GPR161: variants seen among roughly 807,000 people sequenced by gnomAD.
GPR161 encodes the protein G protein-coupled receptor 161, also known as G-protein coupled receptor RE2.
In GPR161, 25 loss-of-function variants were observed where a neutral mutation model predicts 39.2. The ratio of observed to expected loss-of-function variants is 0.64; its 90% CI spans 0.47 to 0.89. GPR161 has a LOEUF of 0.89. Among genes scored for constraint, GPR161 ranks in the 40% least tolerant of loss-of-function variants. The pLI is 0.00. For missense variants in GPR161, 547 were observed against 677.8 expected (o/e 0.81, Z 2.14); for synonymous variants, 286 against 276.6 (o/e 1.03, Z -0.34).
At chr1:168,132,193 A>T (rs1306455799) in intron 1 of GPR161, among the ~76,000 whole-genome samples, 5 of 152,030 alleles carry the variant, frequency 3.3e-5, no homozygotes, top group African/African-American at 9.7e-5. Context: ...TGAACCCAGG[A>T]GGTGGATGTT....
intron 4 of GPR161, chr1:168,090,310 C>A: frequency 2.9e-6 from 1 of 349,658 alleles, no homozygotes; most frequent in Non-Finnish European, 5.2e-6. Context: ...TCACTTTCAA[C>A]CCCCTAATAA....
rs1283014659 is a variant in GPR161 at position 168,098,706 on chromosome 1, G to C, written c.375-1474C>G. On this transcript the variant is annotated intron_variant, in intron 2 of 5. Coordinates refer to ENST00000682931, the MANE Select transcript of GPR161 (RefSeq NM_001375883.1). The surrounding 1 kb of genome is among the most constrained non-coding windows in gnomAD (Gnocchi z 4.1). ...TGAGCCCAGGCCAGGATCTATCCTG[G>C]AAAGAGAGCATTTCCGGCTATGCGG... is the stretch of plus-strand genomic sequence containing the variant. Among the ~76,000 whole-genome samples the C allele has an allele frequency of 1.3e-5, 2 of 152,092 alleles. No homozygotes were observed. The highest frequency in any genetic ancestry group is 2.9e-5 in the Non-Finnish European group (2 of 68,048).
intron 1 of GPR161, among the ~76,000 whole-genome samples, chr1:168,112,557 C>T (rs905905875): frequency 8.4e-6 from 1 of 118,830 alleles, no homozygotes; most frequent in African/African-American, 3.1e-5. Context: ...TAAGTAGGAA[C>T]AATAAAAAAT....
At chr1:168,105,005 C>A in intron 1 of GPR161, 111 bp from the exon 2 acceptor site, 1 of 738,274 alleles carries the variant, frequency 1.4e-6, no homozygotes, top group East Asian at 2.6e-5. Flanking sequence ...TCAGATCACC[C>A]AGCTAGTACA....
intron 2 of GPR161, among the ~76,000 whole-genome samples, chr1:168,100,692 C>A (rs1472966970): frequency 6.6e-6 from 1 of 152,210 alleles, no homozygotes; most frequent in Admixed American, 6.5e-5. Context: ...AAAGGGGCAA[C>A]ACATTAACTT....
At chr1:168,100,730 G>A (rs1353681301) in intron 2 of GPR161, among the ~76,000 whole-genome samples, 2 of 152,226 alleles carry the variant, frequency 1.3e-5, no homozygotes, top group Non-Finnish European at 2.9e-5. Context: ...AAAAGCACTA[G>A]TCATCTTTGC....
At chr1:168,093,664 G>A (rs112882565) in intron 3 of GPR161, among the ~76,000 whole-genome samples, 1 of 152,210 alleles carries the variant, frequency 6.6e-6, no homozygotes, top group African/African-American at 2.4e-5. Context: ...TAACACTAAG[G>A]TGAGCCAGTG....
chr1:168,136,502 C>G (rs1699386201), intron 1 of GPR161: 1 of 1,258,698 alleles, frequency 7.9e-7, no homozygotes, highest in African/African-American at 1.6e-5. Context: ...AGGGGAGGGG[C>G]GCGCCCCCAA....
chr1:168,111,965 A>C, intron 1 of GPR161, among the ~76,000 whole-genome samples: 1 of 64,640 alleles, frequency 1.5e-5, no homozygotes, highest in South Asian at 3.4e-4. Context: ...TCTTCAACAG[A>C]AAAAAAAAAA....
At chr1:168,099,153 G>A (rs1695845267) in intron 2 of GPR161, among the ~76,000 whole-genome samples, 1 of 152,170 alleles carries the variant, frequency 6.6e-6, no homozygotes, top group African/African-American at 2.4e-5. Flanking sequence ...TGACCCCCAG[G>A]GGACACTGGC....
chr1:168,085,483 T>A lies in GPR161; in HGVS notation c.*48A>T, dbSNP rs778264073. On this transcript the variant is annotated 3_prime_UTR_variant, in exon 6 of 6. Transcript: ENST00000682931. ...CGGCACAGGCGGTGATGGGAACTCC[T>A]CCCCGGGCCAGCCTCTCAGGCTGCA... 6.4e-7 allele frequency: 1 copy of A among 1,566,468 alleles called. No individual in the cohort carries two copies. The highest frequency in any genetic ancestry group is 8.7e-7 in the Non-Finnish European group (1 of 1,149,844).
In GPR161 at chr1:168,133,825, G is replaced by A. The variant is rs1240153414; in HGVS notation, c.-45+2914C>T. 8.3e-6 allele frequency: 4 copies of A among 481,122 alleles called. 1 individual carries two copies. The highest frequency in any genetic ancestry group is 1.1e-3 in the Middle Eastern group (1 of 930). The allele number at this position is 481,122 out of a possible 1,614,324, so 29.8% of individuals were successfully genotyped here. On this transcript the variant is annotated intron_variant, in intron 1 of 5. Coordinates refer to ENST00000682931, the MANE Select transcript of GPR161 (RefSeq NM_001375883.1). ...GTTGGTCCTAAAGTGAGAAATGTAGGTAATACTTTTTTATCATGTTTTATA... is the reference window on the plus strand; with the variant it reads ...GTTGGTCCTAAAGTGAGAAATGTAGATAATACTTTTTTATCATGTTTTATA...
At chr1:168,121,187 T>C (rs952335367) in intron 1 of GPR161, among the ~76,000 whole-genome samples, 1 of 152,132 alleles carries the variant, frequency 6.6e-6, no homozygotes, top group Admixed American at 6.5e-5. Flanking sequence ...TGGCATTAAT[T>C]ATTGCTCTCA....
Position 168,090,667 on chromosome 1 carries a change from G to A in GPR161, c.1101C>T (p.Asp367=), listed in dbSNP as rs753593987. The stretch of plus-strand genomic sequence containing the variant: ...CAGTGAGGTGTGGGGACAGGCCCAG[G>A]TCTGAAAGACAAAATTGGCATTGAC... ...RLFSISNRIT[D]LGLSPHLTAL... The change falls in exon 4 of 6, where the codon GAC becomes GAT. Residue 367 remains aspartate (D), a splice_region_variant and synonymous_variant. Coordinates refer to ENST00000682931, the MANE Select transcript of GPR161 (RefSeq NM_001375883.1). 1 of 1,591,968 alleles carries A rather than the reference G, an allele frequency of 6.3e-7. No homozygotes were observed.
chr1:168,124,443 G>GTA (rs1400957116), intron 1 of GPR161, among the ~76,000 whole-genome samples: 1 of 152,032 alleles, frequency 6.6e-6, no homozygotes, highest in African/African-American at 2.4e-5. Context: ...TTAAAATAAG[G>GTA]TATACAAAAC....
chr1:168,107,575 T>C (rs946269111), intron 1 of GPR161, among the ~76,000 whole-genome samples: 5 of 152,188 alleles, frequency 3.3e-5, no homozygotes, highest in Non-Finnish European at 5.9e-5. Flanking sequence ...CCCCTCAACC[T>C]TGGATATTTT....
intron 2 of GPR161, 22 bp downstream of exon 2, chr1:168,104,455 T>A: frequency 6.3e-7 from 1 of 1,599,518 alleles, no homozygotes; most frequent in African/African-American, 1.3e-5. Flanking sequence ...CCCTCAATTC[T>A]CTAAGTCTGA....
At chr1:168,122,176 C>T (rs1273400604) in intron 1 of GPR161, among the ~76,000 whole-genome samples, 3 of 152,192 alleles carry the variant, frequency 2.0e-5, no homozygotes, top group African/African-American at 2.4e-5. Flanking sequence ...TGTTCCTCCT[C>T]ATTCCACGCG....
In GPR161 at chr1:168,085,800, A is replaced by AG; in HGVS notation, c.1325-5dup. On this transcript the variant is annotated splice_polypyrimidine_tract_variant and splice_region_variant and intron_variant, in intron 5 of 5. Transcript: ENST00000682931. The stretch of plus-strand genomic sequence containing the variant: ...AGAATCGAGTTCTTGGCAGCTTCTG[A>AG]GGGAGAAGGCAGAAAAAAAAGTCAG... The AG allele has an allele frequency of 1.9e-6, 3 of 1,606,746 alleles. No individual in the cohort carries two copies. Among genetic ancestry groups the AG allele is most frequent in the Non-Finnish European group, 2.6e-6 (3 of 1,174,276 alleles).
Sources: gnomAD v4.1 joint callset for allele counts (sites outside exome capture counted in the v4.1 genomes callset) on GRCh38, gnomAD v4.1.1 for gene constraint, Gnocchi (gnomAD v3.1) non-coding constraint, MANE v1.5 for transcripts, NCBI Gene and HGNC (gene_info 2026-07-23, HGNC 2026-07-21) for gene names.